GBP4: variants seen among roughly 807,000 people sequenced by gnomAD.
GBP4 encodes the protein guanylate-binding protein 4.
Under a neutral mutation model 62.2 loss-of-function variants are expected in GBP4, and 69 were observed. That is an observed-to-expected ratio of 1.11 (90% confidence interval 0.91 to 1.36). The LOEUF (loss-of-function observed/expected upper bound fraction) is 1.36, where lower values mean the gene tolerates loss of function less well. GBP4 is among the 40% of genes most tolerant of loss of function. The pLI is 0.00. For synonymous variants in GBP4, 278 were observed against 274.6 expected (o/e 1.01, Z -0.12); for missense variants, 697 against 759.3 (o/e 0.92, Z 0.96).
intron 1 of GBP4, 170 bp downstream of exon 1, chr1:89,198,625 C>T: frequency 1.0e-5 from 7 of 672,314 alleles, no homozygotes. Flanking sequence ...GAGCAAAGCA[C>T]TCAGGGGTTC....
rs566655660 is a variant in GBP4 at position 89,188,498 on chromosome 1, G to A, written c.1410+84C>T. The A allele has an allele frequency of 8.3e-6, 9 of 1,082,466 alleles. No individual in the cohort carries two copies. The South Asian group carries it at 1.2e-4, about 14-fold the overall frequency. 67.1% of individuals were successfully genotyped at this position (1,082,466 alleles called of 1,614,324 possible). ...GTTCTGCTTCCTCTCCACAAATGGT[G>A]CTATATTCTTAGATTTTCAGAAGGG... On this transcript the variant is annotated intron_variant, in intron 8 of 10. Coordinates refer to ENST00000355754, the MANE Select transcript of GBP4 (RefSeq NM_052941.5).
chr1:89,185,562 T>C, intron 10 of GBP4, 93 bp from the exon 11 acceptor site: 1 of 685,070 alleles, frequency 1.5e-6, no homozygotes, highest in African/African-American at 1.8e-5. Context: ...TAAGCATATG[T>C]GTCTATTTCT....
chr1:89,198,790 C>T lies in GBP4; in HGVS notation c.40+5G>A, dbSNP rs1648416043. 4 of 1,612,782 alleles carry T rather than the reference C, an allele frequency of 2.5e-6. No individual in the cohort carries two copies. Among genetic ancestry groups the T allele is most frequent in the Non-Finnish European group, 2.5e-6 (3 of 1,178,878 alleles). ...TTGAAAGGTAAAGCTTAAGAGCAAA[C>T]TTACCTGGTGTGGGCACTGCAGCGT... is the stretch of plus-strand genomic sequence containing the variant. On this transcript the variant is annotated splice_donor_5th_base_variant and intron_variant, in intron 1 of 10. Transcript: ENST00000355754.
intron 7 of GBP4, 118 bp downstream of exon 7, chr1:89,189,920 T>G (rs1648134997): frequency 1.0e-6 from 1 of 981,672 alleles, no homozygotes; most frequent in Non-Finnish European, 1.5e-6. Context: ...GCCCTGTTAT[T>G]CACAAGAAAC....
Position 89,197,216 on chromosome 1 carries a change from TA to T in GBP4, c.128del (p.Leu43Ter), listed in dbSNP as rs1408146713. 3 of 1,614,086 alleles carry T rather than the reference TA, an allele frequency of 1.9e-6. No homozygotes were observed. The highest frequency in any genetic ancestry group is 2.5e-6 in the Non-Finnish European group (3 of 1,180,026). On this transcript the variant is annotated frameshift_variant, in exon 2 of 11. Transcript: ENST00000355754. LOFTEE classifies it high-confidence loss of function. ...EEQLTVNSKA[L>X]EILDKISQPV... Reference sequence around the variant, plus strand: ...GCTGAGAAATCTTGTCAAGAATCTCTAATGCCTTTGAATTCACTGTCAGCTG... The same window carrying T: ...GCTGAGAAATCTTGTCAAGAATCTCTATGCCTTTGAATTCACTGTCAGCTG...
chr1:89,182,761 A>G lies in GBP4; in HGVS notation c.*2493T>C, dbSNP rs1647919014. 6.6e-6 allele frequency: 1 copy of G among 152,176 alleles called. No homozygotes were observed. The highest frequency in any genetic ancestry group is 1.5e-5 in the Non-Finnish European group (1 of 68,084). The allele number at this position is 152,176 out of a possible 1,614,324, so 9.4% of individuals were successfully genotyped here. A position where few individuals can be genotyped will look rare whatever the true frequency, so the allele number is the denominator to read the frequency against. ...TCCCAAAGTGCTGGGATTACAGGCA[A>G]TGAGTTGATTTTTAACTACTGGGTT... is the stretch of plus-strand genomic sequence containing the variant. On this transcript the variant is annotated 3_prime_UTR_variant, in exon 11 of 11. Transcript: ENST00000355754.
In GBP4 at chr1:89,183,047, G is replaced by C. The variant is rs1647929560; in HGVS notation, c.*2207C>G. On this transcript the variant is annotated 3_prime_UTR_variant, in exon 11 of 11. Transcript: ENST00000355754. ...ACCAATGACATTCTTCACAGAATTA[G>C]AAACTACTTTAAAATTCATATGGAA... The C allele has an allele frequency of 6.6e-6, 1 of 152,094 alleles. No homozygotes were observed. Among genetic ancestry groups the C allele is most frequent in the Non-Finnish European group, 1.5e-5 (1 of 68,016 alleles). The allele number at this position is 152,094 out of a possible 1,614,324, so 9.4% of individuals were successfully genotyped here. A position where few individuals can be genotyped will look rare whatever the true frequency, so the allele number is the denominator to read the frequency against.
chr1:89,193,148 T>C (rs748348712), intron 4 of GBP4, 48 bp from the exon 5 acceptor site: 3 of 1,586,370 alleles, frequency 1.9e-6, no homozygotes, highest in Admixed American at 1.7e-5. Context: ...ATCATTTCCA[T>C]ATCTCACTTA....
intron 2 of GBP4, among the ~76,000 whole-genome samples, chr1:89,195,646 A>T (rs1648316604): frequency 6.6e-6 from 1 of 152,140 alleles, no homozygotes; most frequent in Non-Finnish European, 1.5e-5. Context: ...TCAGTCCCTA[A>T]TGGTGCCGAG....
At position 89,194,864 on chromosome 1, in the gene GBP4, C is replaced by T. The variant is rs112576339; in HGVS notation, c.363+433G>A. ...CCCCACACGCCTTAAATAGTAGATC[C>T]CATTGTTCCCATGGGTTACAACTTT... On this transcript the variant is annotated intron_variant, in intron 3 of 10. Transcript: ENST00000355754. 3.1e-3 allele frequency among the ~76,000 whole-genome samples: 479 copies of T among 152,256 alleles called. 1 individual carries two copies. The highest frequency in any genetic ancestry group is 0.011 in the African/African-American group (466 of 41,528).
Position 89,190,315 on chromosome 1 carries a change from A to G in GBP4, c.920T>C (p.Leu307Pro). 1 of 1,592,260 alleles carries G rather than the reference A, an allele frequency of 6.3e-7. No individual in the cohort carries two copies. The highest frequency in any genetic ancestry group is 8.6e-7 in the Non-Finnish European group (1 of 1,163,794). Residue 307 changes from leucine (L) to proline (P), a missense_variant, in exon 7 of 11, where the codon CTG (leucine) becomes CCG (proline). Transcript: ENST00000355754. ...TACATAAGTCACCACCAGAGTCCCCAGCCCTGAATCACATATATTTAGGGA... is the reference window on the plus strand; with the variant it reads ...TACATAAGTCACCACCAGAGTCCCCGGCCCTGAATCACATATATTTAGGGA... ...REGIIVTGKR[L>P]GTLVVTYVDA...
chr1:89,181,230 G>A lies in GBP4; in HGVS notation c.*4024C>T, dbSNP rs1647871724. On this transcript the variant is annotated 3_prime_UTR_variant, in exon 11 of 11. Transcript: ENST00000355754. ...AGTCAGTGAAGGGAGATAGGGTTGG[G>A]ACCATTTTACAGGATTTGGGTTGGT... The A allele has an allele frequency of 6.6e-6, 1 of 152,128 alleles. No individual in the cohort carries two copies. Among genetic ancestry groups the A allele is most frequent in the Non-Finnish European group, 1.5e-5 (1 of 68,030 alleles). 9.4% of individuals were successfully genotyped at this position (152,128 alleles called of 1,614,324 possible).
In GBP4 at chr1:89,184,019, C is replaced by G. The variant is rs115676317; in HGVS notation, c.*1235G>C. On this transcript the variant is annotated 3_prime_UTR_variant, in exon 11 of 11. Coordinates refer to ENST00000355754, the MANE Select transcript of GBP4 (RefSeq NM_052941.5). The stretch of plus-strand genomic sequence containing the variant: ...TAAGAAGCTTCAAAAAATTTACAAG[C>G]GAAAAACAAGCAACCCCATTAAAAA... 5 of 151,984 alleles carry G rather than the reference C, an allele frequency of 3.3e-5. No homozygotes were observed. Among genetic ancestry groups the G allele is most frequent in the African/African-American group, 1.2e-4 (5 of 41,362 alleles). 9.4% of individuals were successfully genotyped at this position (151,984 alleles called of 1,614,324 possible). A position where few individuals can be genotyped will look rare whatever the true frequency, so the allele number is the denominator to read the frequency against.
chr1:89,195,451 C>T, intron 2 of GBP4, 27 bp from the exon 3 acceptor site: 3 of 1,612,522 alleles, frequency 1.9e-6, no homozygotes, highest in Non-Finnish European at 2.5e-6. Context: ...AAATAACAAA[C>T]AGTAACAGTG....
intron 5 of GBP4, 27 bp downstream of exon 5, chr1:89,192,877 T>C (rs1253133371): frequency 6.2e-7 from 1 of 1,605,764 alleles, no homozygotes; most frequent in African/African-American, 1.3e-5. Context: ...CACTGAACCT[T>C]CCCACATCCA....
rs917812273 is a variant in GBP4 at position 89,187,096 on chromosome 1, C to T, written c.1417G>A (p.Glu473Lys). 3.1e-6 allele frequency: 5 copies of T among 1,613,840 alleles called. No individual in the cohort carries two copies. The highest frequency in any genetic ancestry group is 2.7e-5 in the African/African-American group (2 of 74,880). Reference sequence around the variant, plus strand: ...GACTGCAGGAAGTTCTGGAGGACCTCGTTTGCCTGAGGAACCAAGAAAGAG... The same window carrying T: ...GACTGCAGGAAGTTCTGGAGGACCTTGTTTGCCTGAGGAACCAAGAAAGAG... ...LVPRKGVKANEVLQNFLQSQV... is the reference protein window; with the variant it reads ...LVPRKGVKANKVLQNFLQSQV... The change falls in exon 9 of 11, where the codon GAG becomes AAG. Residue 473 changes from glutamate to lysine, a missense_variant. Physicochemically the swap from Glu to Lys is moderately conservative, Grantham distance 56. Around this residue, in one of 2 missense-constraint regions of GBP4, gnomAD observed 141 missense variants for 196.6 expected, o/e 0.72. Transcript: ENST00000355754.
rs1225608007 is a variant in GBP4 at position 89,197,141 on chromosome 1, A to G, written c.204T>C (p.Tyr68=). ...IVGLYRTGKS[Y]LMNRLAGKRN... is the part of the protein sequence containing the mutation. ...GCTTTCCTGCAAGACGATTCATGAG[A>G]TAGGATTTTCCTGTGCGGTATAGCC... The change falls in exon 2 of 11, where the codon TAT becomes TAC. Residue 68 remains tyrosine, a synonymous_variant. Transcript: ENST00000355754. 1 of 1,613,570 alleles carries G rather than the reference A, an allele frequency of 6.2e-7. No individual in the cohort carries two copies. Among genetic ancestry groups the G allele is most frequent in the South Asian group, 1.1e-5 (1 of 90,994 alleles).
intron 10 of GBP4, among the ~76,000 whole-genome samples, chr1:89,186,130 C>T (rs12083764): frequency 5.3e-5 from 8 of 152,192 alleles, no homozygotes; most frequent in African/African-American, 1.7e-4. Context: ...TGTGTACTCT[C>T]CAAAGTCTAA....
At chr1:89,193,605 T>C (rs1648247530) in intron 3 of GBP4, among the ~76,000 whole-genome samples, 193 bp from the exon 4 acceptor site, 1 of 152,230 alleles carries the variant, frequency 6.6e-6, no homozygotes, top group Non-Finnish European at 1.5e-5. Flanking sequence ...ATCGGTTCAT[T>C]TAGCAGAAAT....
Sources: gnomAD v4.1 joint callset for allele counts (sites outside exome capture counted in the v4.1 genomes callset) on GRCh38, gnomAD v4.1.1 for gene constraint, gnomAD v4.1.1 regional missense constraint, MANE v1.5 for transcripts, NCBI Gene and HGNC (gene_info 2026-07-23, HGNC 2026-07-21) for gene names.